FAT3: variants seen among roughly 807,000 people sequenced by gnomAD.
The protein encoded by FAT3 is protocadherin Fat 3.
Under a neutral mutation model 310.2 loss-of-function variants are expected in FAT3, and 95 were observed. The observed-to-expected ratio is 0.31, with a 90% confidence interval of 0.26 to 0.36. FAT3 has a LOEUF of 0.36. Ranked by LOEUF, FAT3 falls within the 10% of genes least tolerant of loss-of-function variation. FAT3 has a pLI of 1.00. For synonymous variants in FAT3, 2,314 were observed against 2,192.9 expected (o/e 1.06, Z -1.54); for missense variants, 5,408 against 5,715.6 (o/e 0.95, Z 1.74).
chr11:92,766,104 G>A (rs188993584), intron 6 of FAT3, among the ~76,000 whole-genome samples: 9 of 152,272 alleles, frequency 5.9e-5, no homozygotes, highest in African/African-American at 2.2e-4. Flanking sequence ...GACCCTGGGA[G>A]CCAACCTTTA....
At chr11:92,451,070 C>A (rs1041216163) in intron 2 of FAT3, among the ~76,000 whole-genome samples, 2 of 152,044 alleles carry the variant, frequency 1.3e-5, no homozygotes, top group Non-Finnish European at 2.9e-5. Flanking sequence ...TTTGCTGAAC[C>A]TCCAATAGAT....
At chr11:92,361,390 A>G (rs1212307862) in intron 2 of FAT3, among the ~76,000 whole-genome samples, 1 of 149,322 alleles carries the variant, frequency 6.7e-6, no homozygotes, top group Non-Finnish European at 1.5e-5. Context: ...AGCTCATGTT[A>G]GAACCTAATA....
At chr11:92,702,879 A>G (rs1944144058) in intron 4 of FAT3, among the ~76,000 whole-genome samples, 1 of 152,234 alleles carries the variant, frequency 6.6e-6, no homozygotes, top group Admixed American at 6.5e-5. Flanking sequence ...AAAATTAAAA[A>G]GAAGATGACA....
chr11:92,735,241 A>T (rs750565704), intron 4 of FAT3, among the ~76,000 whole-genome samples: 1 of 152,144 alleles, frequency 6.6e-6, no homozygotes, highest in Non-Finnish European at 1.5e-5. Context: ...CTCTCAGGTC[A>T]CTAGGGGGCT....
In FAT3 at chr11:92,354,473, G is replaced by T; in HGVS notation, c.2361G>T (p.Met787Ile). ...DMETGQLKVL[M>I]PMDREHTDLY... Reference sequence around the variant, plus strand: ...AGACTGGGCAGCTTAAAGTCCTTATGCCCATGGATCGAGAACACACAGACC... The same window carrying T: ...AGACTGGGCAGCTTAAAGTCCTTATTCCCATGGATCGAGAACACACAGACC... The change falls in exon 2 of 28, where the codon ATG becomes ATT. Residue 787 changes from methionine to isoleucine, a missense_variant. Transcript: ENST00000525166. 1.2e-6 allele frequency: 2 copies of T among 1,613,792 alleles called. No individual in the cohort carries two copies. Among genetic ancestry groups the T allele is most frequent in the Non-Finnish European group, 1.7e-6 (2 of 1,179,852 alleles).
intron 9 of FAT3, among the ~76,000 whole-genome samples, chr11:92,796,430 A>G (rs966777037): frequency 6.6e-6 from 1 of 152,208 alleles, no homozygotes; most frequent in Non-Finnish European, 1.5e-5. Context: ...TAGATGTTAC[A>G]TGAACATGAC....
chr11:92,750,287 C>T (rs1945794235), intron 4 of FAT3, among the ~76,000 whole-genome samples: 1 of 152,054 alleles, frequency 6.6e-6, no homozygotes, highest in African/African-American at 2.4e-5. Flanking sequence ...TCGCAGCAAT[C>T]AGGAGAATCA....
intron 3 of FAT3, among the ~76,000 whole-genome samples, chr11:92,694,135 A>C (rs1943871942): frequency 6.6e-6 from 1 of 152,212 alleles, no homozygotes; most frequent in Non-Finnish European, 1.5e-5. Context: ...AGAATTATGC[A>C]ACCATCACCA....
chr11:92,859,064 T>A (rs1263900763), intron 20 of FAT3, 101 bp from the exon 21 acceptor site: 1 of 1,146,424 alleles, frequency 8.7e-7, no homozygotes, highest in Non-Finnish European at 1.2e-6. Flanking sequence ...TCATGCATGG[T>A]CTTTAATCAA....
At chr11:92,230,205 T>A (rs1267638540) in intron 1 of FAT3, among the ~76,000 whole-genome samples, 1 of 150,112 alleles carries the variant, frequency 6.7e-6, no homozygotes, top group East Asian at 2.0e-4. Context: ...TATCCCTTTT[T>A]AAAATTCTGT....
chr11:92,673,536 G>T (rs1943195763), intron 3 of FAT3, among the ~76,000 whole-genome samples: 1 of 152,108 alleles, frequency 6.6e-6, no homozygotes, highest in South Asian at 2.1e-4. Context: ...TGACAATAAG[G>T]GGTTGGGGAG....
intron 3 of FAT3, among the ~76,000 whole-genome samples, chr11:92,672,085 C>G (rs1348572345): frequency 1.3e-5 from 2 of 152,142 alleles, no homozygotes; most frequent in African/African-American, 4.8e-5. Flanking sequence ...TGCCACTGCA[C>G]TACAGCCTGG....
intron 2 of FAT3, among the ~76,000 whole-genome samples, chr11:92,479,174 T>C (rs536587871): frequency 1.3e-5 from 2 of 150,836 alleles, no homozygotes; most frequent in African/African-American, 4.9e-5. Flanking sequence ...GCTATTTTTT[T>C]TTTTTTTGTA....
chr11:92,704,286 G>T (rs1944197036), intron 4 of FAT3, among the ~76,000 whole-genome samples: 1 of 152,130 alleles, frequency 6.6e-6, no homozygotes, highest in Non-Finnish European at 1.5e-5. Context: ...CTCTGGACAA[G>T]GCTCACTCTG....
chr11:92,825,567 T>G (rs1948080756), intron 13 of FAT3, among the ~76,000 whole-genome samples: 1 of 151,698 alleles, frequency 6.6e-6, no homozygotes, highest in African/African-American at 2.4e-5. Flanking sequence ...AGGAGATGTG[T>G]GGGGGGCCTT....
chr11:92,847,848 G>A (rs1191503722), intron 19 of FAT3, among the ~76,000 whole-genome samples: 1 of 152,050 alleles, frequency 6.6e-6, no homozygotes, highest in African/African-American at 2.4e-5. Flanking sequence ...TAAGCGTTAG[G>A]CATTTTTAGG....
intron 2 of FAT3, among the ~76,000 whole-genome samples, chr11:92,405,216 G>A (rs766821283): frequency 6.6e-6 from 1 of 152,080 alleles, no homozygotes; most frequent in Non-Finnish European, 1.5e-5. Flanking sequence ...TTGGGGCATG[G>A]AGGTTGCTTC....
rs749338431 is a variant in FAT3 at position 92,801,662 on chromosome 11, C to T, written c.8649C>T (p.His2883=). 5.6e-6 allele frequency: 9 copies of T among 1,613,740 alleles called. No individual in the cohort carries two copies. The highest frequency in any genetic ancestry group is 2.7e-5 in the African/African-American group (2 of 74,924). The change falls in exon 10 of 28, where the codon CAC becomes CAT. Residue 2883 remains histidine (H), a synonymous_variant. Coordinates refer to ENST00000525166, the MANE Select transcript of FAT3 (RefSeq NM_001367949.2). ...GWISTLKDLD[H]ETDPTFTFSV... ...TCAGTACCTTGAAGGACCTAGATCA[C>T]GAGACAGACCCCACATTCACCTTCT...
At chr11:92,309,851 GC>G (rs1206012441) in intron 1 of FAT3, among the ~76,000 whole-genome samples, 1 of 152,080 alleles carries the variant, frequency 6.6e-6, no homozygotes, top group Non-Finnish European at 1.5e-5. Context: ...ATTTGTTGCT[GC>G]AAAGAATTGG....
Sources: allele counts gnomAD v4.1 joint callset (sites outside exome capture counted in the v4.1 genomes callset), GRCh38; gene constraint gnomAD v4.1.1; transcripts MANE v1.5; gene names NCBI Gene and HGNC (gene_info 2026-07-23, HGNC 2026-07-21).